Variants in NCAN observed in about 807,000 individuals in gnomAD.
NCAN encodes neurocan core protein.
Under a neutral mutation model 121.8 loss-of-function variants are expected in NCAN, and 47 were observed. That is an observed-to-expected ratio of 0.39 (90% CI 0.31 to 0.49). The LOEUF (loss-of-function observed/expected upper bound fraction) is 0.49, where lower values mean the gene tolerates loss of function less well. NCAN is among the 20% of genes least tolerant of loss of function. NCAN has a pLI of 0.92. For missense variants in NCAN, 1,517 were observed against 1,773.4 expected (o/e 0.86, Z 2.60); for synonymous variants, 633 against 702.0 (o/e 0.90, Z 1.55).
At chr19:19,241,034 G>A (rs80306943) in intron 12 of NCAN, among the ~76,000 whole-genome samples, 10,381 of 152,120 alleles carry the variant, frequency 0.068, 624 homozygotes, top group African/African-American at 0.15. Context: ...CAGCACTTTG[G>A]GAGGCCAAGG....
chr19:19,243,562 A>G (rs1375461071), intron 12 of NCAN, among the ~76,000 whole-genome samples: 1 of 151,814 alleles, frequency 6.6e-6, no homozygotes, highest in East Asian at 1.9e-4. Flanking sequence ...GGAAATAACA[A>G]TGATGGTTAT....
chr19:19,216,225 T>C (rs2060795356), intron 1 of NCAN, among the ~76,000 whole-genome samples: 1 of 152,136 alleles, frequency 6.6e-6, no homozygotes, highest in Non-Finnish European at 1.5e-5. Context: ...CATAGCTCAC[T>C]GCAGCCTTGA....
chr19:19,220,533 T>C (rs1359758180), intron 3 of NCAN, among the ~76,000 whole-genome samples: 4 of 133,688 alleles, frequency 3.0e-5, no homozygotes, highest in South Asian at 2.6e-4. Flanking sequence ...TCTCAACTCA[T>C]CGCCAGCTCT....
Position 19,224,181 on chromosome 19 carries a change from T to C in NCAN, c.636T>C (p.Ser212=), listed in dbSNP as rs373643349. ...GFDNCDAGWL[S]DRTVRYPITQ... ...ACAACTGTGATGCTGGCTGGCTCTCTGACCGCACTGTTCGGTGAGGGGGAT... is the reference window on the plus strand; with the variant it reads ...ACAACTGTGATGCTGGCTGGCTCTCCGACCGCACTGTTCGGTGAGGGGGAT... Residue 212 remains serine (S), a synonymous_variant, in exon 4 of 15, where the codon TCT becomes TCC. Transcript: ENST00000252575. 1.3e-6 allele frequency: 2 copies of C among 1,591,860 alleles called. No individual in the cohort carries two copies. Among genetic ancestry groups the C allele is most frequent in the South Asian group, 2.2e-5 (2 of 89,190 alleles).
In NCAN at chr19:19,251,903, G is replaced by A. The variant is rs893080077; in HGVS notation, c.*1992G>A. The A allele has an allele frequency of 5.9e-5, 9 of 151,366 alleles. No individual in the cohort carries two copies. Among genetic ancestry groups the A allele is most frequent in the African/African-American group, 2.2e-4 (9 of 41,092 alleles). The allele number at this position is 151,366 out of a possible 1,614,324, so 9.4% of individuals were successfully genotyped here. ...TTTTCCTTTGTTTGCGGGGGGCTGG[G>A]GATGCAGTGTTTTTTGGGGGGTCTT... On this transcript the variant is annotated 3_prime_UTR_variant, in exon 15 of 15. Transcript: ENST00000252575.
Position 19,245,290 on chromosome 19 carries a change from C to T in NCAN, c.3493-23C>T, listed in dbSNP as rs1322250531. ...GCTGGAACAGAGGTCCCCTGAACAA[C>T]TCCCTGCCCCCTATTCCTGCAGCAA... On this transcript the variant is annotated intron_variant, in intron 12 of 14. Coordinates refer to ENST00000252575, the MANE Select transcript of NCAN (RefSeq NM_004386.3). 7 of 1,612,778 alleles carry T rather than the reference C, an allele frequency of 4.3e-6. No individual in the cohort carries two copies. In the South Asian group the frequency reaches 7.7e-5, roughly 18 times the overall value.
chr19:19,228,389 A>G lies in NCAN; in HGVS notation c.2769A>G (p.Leu923=), dbSNP rs1205660256. The change falls in exon 8 of 15, where the codon CTA becomes CTG. Residue 923 remains leucine, a synonymous_variant. Transcript: ENST00000252575. ...ASVPPHQSSP[L]GKPAVPPGTP... ...TGCCTCCGCATCAGAGCAGTCCCCT[A>G]GGGAAACCGGCTGTTCCTCCTGGGA... is the stretch of plus-strand genomic sequence containing the variant. 6.2e-7 allele frequency: 1 copy of G among 1,613,734 alleles called. No homozygotes were observed. The highest frequency in any genetic ancestry group is 1.7e-5 in the Admixed American group (1 of 60,014).
At chr19:19,237,755 T>C (rs1330465457) in intron 10 of NCAN, among the ~76,000 whole-genome samples, 2 of 152,016 alleles carry the variant, frequency 1.3e-5, no homozygotes, top group Non-Finnish European at 2.9e-5. Flanking sequence ...GAAAAGACAT[T>C]AAGATTTGGC....
At chr19:19,238,968 T>A (rs2060891741) in intron 11 of NCAN, among the ~76,000 whole-genome samples, 1 of 152,160 alleles carries the variant, frequency 6.6e-6, no homozygotes, top group Admixed American at 6.5e-5. Flanking sequence ...CCATTTATTC[T>A]GTTTATTCCG....
intron 6 of NCAN, 91 bp from the exon 7 acceptor site, chr19:19,226,395 G>A: frequency 2.0e-6 from 2 of 1,006,282 alleles, no homozygotes; most frequent in East Asian, 2.4e-5. Flanking sequence ...GAAGGCTTAT[G>A]CTGCAGCATG....
chr19:19,232,649 T>C (rs1262287685), intron 8 of NCAN, among the ~76,000 whole-genome samples: 2 of 152,266 alleles, frequency 1.3e-5, no homozygotes, highest in Non-Finnish European at 2.9e-5. Context: ...TAGAGCAACA[T>C]TCTAGAACTT....
At position 19,228,327 on chromosome 19, in the gene NCAN, G is replaced by A; in HGVS notation, c.2707G>A (p.Asp903Asn). The A allele has an allele frequency of 4.3e-6, 7 of 1,613,996 alleles. No individual in the cohort carries two copies. The highest frequency in any genetic ancestry group is 5.9e-6 in the Non-Finnish European group (7 of 1,180,026). ...SSSQPHPEPE[D>N]QVETQGTSGA... Reference sequence around the variant, plus strand: ...CTCCCAACCCCACCCAGAGCCAGAGGATCAGGTGGAGACCCAGGGAACATC... The same window carrying A: ...CTCCCAACCCCACCCAGAGCCAGAGAATCAGGTGGAGACCCAGGGAACATC... The change falls in exon 8 of 15, where the codon GAT becomes AAT. Residue 903 changes from aspartate to asparagine, a missense_variant. Physicochemically the swap from Asp to Asn is conservative, Grantham distance 23. Transcript: ENST00000252575.
Position 19,212,464 on chromosome 19 carries a change from C to T in NCAN, c.-8+400C>T, listed in dbSNP as rs1008973513. 2.6e-5 allele frequency among the ~76,000 whole-genome samples: 4 copies of T among 151,838 alleles called. No individual in the cohort carries two copies. The highest frequency in any genetic ancestry group is 9.7e-5 in the African/African-American group (4 of 41,294). The stretch of plus-strand genomic sequence containing the variant: ...GGGCACCCCCGTATCTCAGCCGAGA[C>T]ACCCCAGGATTTTAAGTAGGGATTC... On this transcript the variant is annotated intron_variant, in intron 1 of 14. Transcript: ENST00000252575. This position sits in a 1 kb window ranked among gnomAD's most constrained non-coding sequence, Gnocchi z 4.5.
At chr19:19,219,883 C>T (rs1024841958) in intron 3 of NCAN, among the ~76,000 whole-genome samples, 1 of 149,832 alleles carries the variant, frequency 6.7e-6, no homozygotes, top group East Asian at 2.0e-4. Flanking sequence ...AAAAATTAGC[C>T]AGGCATGGTG....
chr19:19,249,994 CAA>C lies in NCAN; in HGVS notation c.*84_*85del, dbSNP rs754126068. On this transcript the variant is annotated 3_prime_UTR_variant, in exon 15 of 15. Transcript: ENST00000252575. ...TGGGGAGACAGAACCCAGAGAGAAA[CAA>C]GAGAGTCCAGAAGTCCCTGAACCCC... 2 of 1,426,882 alleles carry C rather than the reference CAA, an allele frequency of 1.4e-6. No individual in the cohort carries two copies. Among genetic ancestry groups the C allele is most frequent in the African/African-American group, 1.4e-5 (1 of 70,440 alleles). 88.4% of individuals were successfully genotyped at this position (1,426,882 alleles called of 1,614,324 possible).
At chr19:19,213,064 C>T (rs1368732863) in intron 1 of NCAN, among the ~76,000 whole-genome samples, 1 of 152,138 alleles carries the variant, frequency 6.6e-6, no homozygotes, top group African/African-American at 2.4e-5. Flanking sequence ...CTTTGTTCCT[C>T]TCAGGCAGCA....
intron 1 of NCAN, among the ~76,000 whole-genome samples, chr19:19,214,226 A>ACTCTCT (rs113931325): frequency 1.1e-3 from 168 of 151,306 alleles, no homozygotes; most frequent in African/African-American, 3.7e-3. Flanking sequence ...ACTCACACAC[A>ACTCTCT]CTCTCTCACA....
At chr19:19,229,901 A>T (rs1417092642) in intron 8 of NCAN, among the ~76,000 whole-genome samples, 3 of 152,126 alleles carry the variant, frequency 2.0e-5, no homozygotes, top group African/African-American at 7.2e-5. Flanking sequence ...ACACAGCAAG[A>T]CCCCATCTCT....
At chr19:19,240,785 C>A in intron 12 of NCAN, 100 bp downstream of exon 12, 2 of 1,180,504 alleles carry the variant, frequency 1.7e-6, no homozygotes, top group Non-Finnish European at 2.5e-6. Flanking sequence ...AATTGGGTGT[C>A]AGAGGTCTCT....
Sources: gnomAD v4.1 joint callset for allele counts (sites outside exome capture counted in the v4.1 genomes callset) on GRCh38, gnomAD v4.1.1 for gene constraint, Gnocchi (gnomAD v3.1) non-coding constraint, MANE v1.5 for transcripts, NCBI Gene and HGNC (gene_info 2026-07-23, HGNC 2026-07-21) for gene names.